HYCC2: variants seen among roughly 807,000 people sequenced by gnomAD.
The protein encoded by HYCC2 is hyccin PI4KA lipid kinase complex subunit 2.
chr2:200,997,466 G>C, the HYCC2 span: 2 of 1,611,200 alleles, frequency 1.2e-6, no homozygotes, highest in South Asian at 2.2e-5. Flanking sequence ...CCGACAAAGA[G>C]ATTGGTAAGA....
the HYCC2 span, among the ~76,000 whole-genome samples, chr2:201,041,210 AAATT>A: frequency 6.6e-6 from 1 of 152,358 alleles, no homozygotes; most frequent in East Asian, 1.9e-4. Flanking sequence ...ATAGATAAGA[AAATT>A]AAAGTGTAAA....
chr2:201,063,734 T>C, the HYCC2 span: 1 of 1,584,204 alleles, frequency 6.3e-7, no homozygotes, highest in Non-Finnish European at 8.6e-7. Flanking sequence ...GAATGACAAC[T>C]TTGGTCATGG....
the HYCC2 span, among the ~76,000 whole-genome samples, chr2:201,068,603 A>G: frequency 6.6e-6 from 1 of 152,224 alleles, no homozygotes; most frequent in South Asian, 2.1e-4. Flanking sequence ...ATGCCTTTTT[A>G]AAAACTCCTA....
chr2:200,993,878 G>A, the HYCC2 span, among the ~76,000 whole-genome samples: 10 of 151,672 alleles, frequency 6.6e-5, no homozygotes, highest in Non-Finnish European at 1.2e-4. Context: ...TCCCAGCTAC[G>A]AGAATGGCGT....
chr2:201,007,354 C>T, the HYCC2 span, among the ~76,000 whole-genome samples: 3 of 152,130 alleles, frequency 2.0e-5, no homozygotes, highest in African/African-American at 7.2e-5. Context: ...AGCCCTACAG[C>T]TGGGCAAAAA....
chr2:200,999,683 C>A, the HYCC2 span, among the ~76,000 whole-genome samples: 6 of 150,986 alleles, frequency 4.0e-5, no homozygotes, highest in African/African-American at 1.5e-4. Context: ...AGCCACCGCA[C>A]CCAGCCTATT....
At chr2:201,057,757 TGG>T in the HYCC2 span, among the ~76,000 whole-genome samples, 1 of 151,878 alleles carries the variant, frequency 6.6e-6, no homozygotes, top group Non-Finnish European at 1.5e-5. Context: ...GGTTTATACA[TGG>T]TTGCATACAG....
the HYCC2 span, among the ~76,000 whole-genome samples, chr2:201,012,607 C>T: frequency 6.6e-6 from 1 of 152,084 alleles, no homozygotes; most frequent in African/African-American, 2.4e-5. Flanking sequence ...ACAATGGTAT[C>T]CTTCATTTCT....
the HYCC2 span, among the ~76,000 whole-genome samples, chr2:201,012,424 C>G: frequency 1.3e-5 from 2 of 151,900 alleles, no homozygotes; most frequent in South Asian, 4.2e-4. Context: ...TCACCCACTG[C>G]ACTCCAGCAT....
At chr2:201,016,785 A>G in the HYCC2 span, among the ~76,000 whole-genome samples, 3 of 151,844 alleles carry the variant, frequency 2.0e-5, no homozygotes, top group Admixed American at 2.0e-4. Flanking sequence ...TTTTTAGTAG[A>G]GACGGAGTCT....
chr2:201,003,708 TAA>T, the HYCC2 span, among the ~76,000 whole-genome samples: 19 of 128,166 alleles, frequency 1.5e-4, no homozygotes, highest in Non-Finnish European at 1.8e-4. Context: ...GACTCCATCT[TAA>T]AAAAAAAAAA....
chr2:200,988,804 C>T, the HYCC2 span, among the ~76,000 whole-genome samples: 1 of 152,118 alleles, frequency 6.6e-6, no homozygotes, highest in Admixed American at 6.5e-5. Context: ...AGAAATGTTC[C>T]CTAAATACTT....
chr2:200,974,330 T>C, the HYCC2 span: 4 of 151,976 alleles, frequency 2.6e-5, no homozygotes, highest in African/African-American at 7.2e-5. Flanking sequence ...AATGCCAAAG[T>C]AGTAAAAATC....
At chr2:200,981,181 T>C in the HYCC2 span, 1 of 1,450,442 alleles carries the variant, frequency 6.9e-7, no homozygotes, top group Admixed American at 2.0e-5. This position sits in a 1 kb window ranked among gnomAD's most constrained non-coding sequence, Gnocchi z 4.5. Flanking sequence ...CAGTGACCAA[T>C]ATTTTCACAA....
At chr2:201,042,496 C>A in the HYCC2 span, among the ~76,000 whole-genome samples, 8 of 152,002 alleles carry the variant, frequency 5.3e-5, no homozygotes, top group Non-Finnish European at 2.9e-5. Flanking sequence ...GCCGCGACCC[C>A]GTCTGGGAAC....
chr2:200,981,452 C>A, the HYCC2 span: 12 of 1,614,046 alleles, frequency 7.4e-6, no homozygotes, highest in Non-Finnish European at 1.0e-5. The surrounding 1 kb of genome is among the most constrained non-coding windows in gnomAD (Gnocchi z 4.5). Context: ...TCAGTGCCAA[C>A]CCCAATGCTG....
chr2:200,980,749 C>A, the HYCC2 span: 1 of 154,812 alleles, frequency 6.5e-6, no homozygotes, highest in Non-Finnish European at 1.4e-5. Flanking sequence ...CATGCTTCTC[C>A]AGAAAATGAT....
the HYCC2 span, among the ~76,000 whole-genome samples, chr2:201,044,955 C>T: frequency 3.3e-5 from 5 of 152,178 alleles, no homozygotes; most frequent in African/African-American, 1.2e-4. Context: ...CCAAGCTATA[C>T]AATTATCAGG....
chr2:201,040,878 T>G, the HYCC2 span, among the ~76,000 whole-genome samples: 20 of 152,196 alleles, frequency 1.3e-4, no homozygotes, highest in Admixed American at 1.0e-3. Flanking sequence ...TGTCTTTATA[T>G]TAATATGAAA....
Sources: allele counts gnomAD v4.1 joint callset (sites outside exome capture counted in the v4.1 genomes callset), GRCh38; gene constraint gnomAD v4.1.1; non-coding constraint Gnocchi (gnomAD v3.1); transcripts MANE v1.5; gene names NCBI Gene and HGNC (gene_info 2026-07-23, HGNC 2026-07-21).